The following APTX variants were observed in gnomAD, a reference collection of about 807,000 sequenced individuals.
APTX encodes forkhead-associated domain histidine triad-like protein.
In APTX, 33 loss-of-function variants were observed where a neutral mutation model predicts 42.3. The observed-to-expected ratio is 0.78, with a 90% confidence interval of 0.59 to 1.04. The LOEUF is 1.04. APTX is among the 50% of genes least tolerant of loss of function. APTX has a pLI of 0.00. For synonymous variants in APTX, 130 were observed against 146.7 expected (o/e 0.89, Z 0.82); for missense variants, 421 against 415.1 (o/e 1.01, Z -0.12).
At position 32,983,013 on chromosome 9, in the gene APTX, T is replaced by C. The variant is rs559085236; in HGVS notation, c.770+1618A>G. ...AGGCTGGAGTACAATGGCGTGATCATAGCTTACTGTAGCCTCAACCTCCTG... is the reference window on the plus strand; with the variant it reads ...AGGCTGGAGTACAATGGCGTGATCACAGCTTACTGTAGCCTCAACCTCCTG... On this transcript the variant is annotated intron_variant, in intron 6 of 7. Transcript: ENST00000379817. Among the ~76,000 whole-genome samples, 40 of 152,134 alleles carry C rather than the reference T, an allele frequency of 2.6e-4. No homozygotes were observed. The South Asian group carries it at 4.6e-3, about 17-fold the overall frequency.
chr9:33,004,629 C>CG (rs1563998723), upstream of APTX, among the ~76,000 whole-genome samples: 6 of 140,932 alleles, frequency 4.3e-5, no homozygotes, highest in African/African-American at 1.6e-4. Context: ...TCTTGCCAAC[C>CG]CTTTTTTTTT....
chr9:33,008,062 C>T (rs1048227474), intron 1 of APTX, among the ~76,000 whole-genome samples: 3 of 152,162 alleles, frequency 2.0e-5, no homozygotes, highest in African/African-American at 7.2e-5. Context: ...TTTCTAGTAT[C>T]ATTTTATTTA....
At chr9:33,013,232 C>A (rs1302352316) in intron 1 of APTX, among the ~76,000 whole-genome samples, 3 of 152,172 alleles carry the variant, frequency 2.0e-5, no homozygotes, top group Admixed American at 1.3e-4. Flanking sequence ...TTACTCTTCA[C>A]AATAACTCTA....
intron 1 of APTX, among the ~76,000 whole-genome samples, chr9:33,013,663 C>T (rs1412286414): frequency 5.3e-5 from 8 of 152,152 alleles, no homozygotes; most frequent in East Asian, 3.9e-4. Flanking sequence ...AAAAATTAGC[C>T]GGGCATGGTG....
chr9:33,007,020 AAAAG>A lies in APTX; in HGVS notation c.-4-17129_-4-17126del, dbSNP rs1454616438. 5.4e-3 allele frequency among the ~76,000 whole-genome samples: 721 copies of A among 134,380 alleles called. 14 individuals carry two copies. Among genetic ancestry groups the A allele is most frequent in the Middle Eastern group, 0.012 (3 of 250 alleles). 88.2% of individuals were successfully genotyped at this position (134,380 alleles called of 152,430 possible). ...GTCTCAAAAAAAAAAAAAAAAAAAA[AAAAG>A]AAAGAAAGAAAGAAAGAAAGGCCTA... On this transcript the variant is annotated intron_variant, in intron 1 of 6. Coordinates refer to the APTX transcript ENST00000436040.
chr9:33,011,403 T>G (rs1837533471), intron 1 of APTX, among the ~76,000 whole-genome samples: 1 of 151,686 alleles, frequency 6.6e-6, no homozygotes, highest in Non-Finnish European at 1.5e-5. Flanking sequence ...TTCTCCTGCC[T>G]CAGCCTCCCG....
intron 1 of APTX, among the ~76,000 whole-genome samples, chr9:33,020,566 G>A (rs1838292287): frequency 6.6e-6 from 1 of 152,196 alleles, no homozygotes; most frequent in Non-Finnish European, 1.5e-5. Flanking sequence ...GTTACTGTGA[G>A]GATAACAATA....
upstream of APTX, among the ~76,000 whole-genome samples, chr9:33,006,455 T>A (rs192248036): frequency 6.6e-6 from 1 of 152,234 alleles, no homozygotes; most frequent in African/African-American, 2.4e-5. Flanking sequence ...CTTCTTTCTT[T>A]AAGATTTTGA....
In APTX at chr9:33,012,610, TCC is replaced by T. The variant is rs1480455358; in HGVS notation, c.-5+12411_-5+12412del. ...CATGAAGGAGAGGTCCCAGCAGAGC[TCC>T]CAGCCAGTAACAGCCAGTATATGAG... On this transcript the variant is annotated intron_variant, in intron 1 of 6. Transcript: ENST00000436040. Among the ~76,000 whole-genome samples the T allele has an allele frequency of 2.0e-5, 3 of 152,030 alleles. No homozygotes were observed. The South Asian group carries it at 6.2e-4, about 32-fold the overall frequency.
upstream of APTX, among the ~76,000 whole-genome samples, chr9:33,002,892 G>A (rs929233780): frequency 9.8e-5 from 15 of 152,346 alleles, no homozygotes; most frequent in African/African-American, 3.1e-4. Context: ...GACAGAAGGT[G>A]GGAGGATCTT....
intron 6 of APTX, among the ~76,000 whole-genome samples, chr9:32,977,172 T>C (rs548706536): frequency 2.8e-4 from 42 of 152,340 alleles, no homozygotes; most frequent in African/African-American, 7.9e-4. Context: ...AGAATTTTAA[T>C]TGATAAAAGT....
intron 1 of APTX, among the ~76,000 whole-genome samples, chr9:33,014,123 T>C (rs1837733134): frequency 6.6e-6 from 1 of 152,190 alleles, no homozygotes; most frequent in Admixed American, 6.5e-5. Flanking sequence ...GCACAGAAAC[T>C]GATGGCAAAG....
chr9:33,015,780 T>G (rs1012373463), intron 1 of APTX: 1 of 152,196 alleles, frequency 6.6e-6, no homozygotes. Context: ...CTTGATGTCA[T>G]ATCATGGGCT....
intron 1 of APTX, chr9:33,015,747 T>C (rs1244470418): frequency 6.6e-6 from 1 of 152,238 alleles, no homozygotes; most frequent in Non-Finnish European, 1.5e-5. Flanking sequence ...AAGAAAACTT[T>C]TTTTTAATCT....
intron 1 of APTX, among the ~76,000 whole-genome samples, chr9:33,014,718 C>A (rs534208685): frequency 2.6e-5 from 4 of 152,342 alleles, no homozygotes; most frequent in Admixed American, 2.6e-4. Context: ...CATTGCTAAG[C>A]CATGATCACC....
At chr9:32,983,828 C>T (rs1831262360) in intron 6 of APTX, among the ~76,000 whole-genome samples, 1 of 151,902 alleles carries the variant, frequency 6.6e-6, no homozygotes, top group South Asian at 2.1e-4. Context: ...AAGGAAAGTA[C>T]AATGGTGGTT....
chr9:32,977,909 AG>A (rs1393784137), intron 6 of APTX, among the ~76,000 whole-genome samples: 1 of 152,248 alleles, frequency 6.6e-6, no homozygotes, highest in Non-Finnish European at 1.5e-5. Flanking sequence ...AGGTATTTAA[AG>A]AAGGGGCATT....
chr9:32,982,740 C>T (rs1537252), intron 6 of APTX, among the ~76,000 whole-genome samples: 13,203 of 152,196 alleles, frequency 0.087, 645 homozygotes, highest in Non-Finnish European at 0.11. Flanking sequence ...ATGGGCATCA[C>T]GATCACTACG....
intron 1 of APTX, 83 bp downstream of exon 1, chr9:33,001,484 A>C: frequency 3.1e-6 from 5 of 1,604,980 alleles, no homozygotes; most frequent in Non-Finnish European, 2.5e-6. Flanking sequence ...CACATCACTC[A>C]AGGGTAGGAG....
Sources: gnomAD v4.1 joint callset for allele counts (sites outside exome capture counted in the v4.1 genomes callset) on GRCh38, gnomAD v4.1.1 for gene constraint, MANE v1.5 for transcripts, NCBI Gene and HGNC (gene_info 2026-07-23, HGNC 2026-07-21) for gene names.